SYDE2: variants seen among roughly 807,000 people sequenced by gnomAD.
The protein encoded by SYDE2 is synapse defective Rho GTPase homolog 2.
Under a neutral mutation model 91.5 loss-of-function variants are expected in SYDE2, and 76 were observed. The observed-to-expected ratio is 0.83, with a 90% confidence interval of 0.69 to 1.01. The LOEUF (loss-of-function observed/expected upper bound fraction) is 1.01, where lower values mean the gene tolerates loss of function less well. Among genes scored for constraint, SYDE2 ranks in the 50% least tolerant of loss-of-function variants. The pLI, the probability that SYDE2 is intolerant of heterozygous loss-of-function variation, is 0.00. For synonymous variants in SYDE2, 513 were observed against 506.4 expected, an observed-to-expected ratio of 1.01 and a Z score of -0.18; for missense variants, 1,364 against 1,367.7, an observed-to-expected ratio of 1.00 and a Z score of 0.04.
chr1:85,187,479 C>T, intron 2 of SYDE2, among the ~76,000 whole-genome samples: 1 of 151,500 alleles, frequency 6.6e-6, no homozygotes, highest in Non-Finnish European at 1.5e-5. Flanking sequence ...GGATCTAGAA[C>T]TAGAAATACC....
At position 85,158,615 on chromosome 1, in the gene SYDE2, A is replaced by T. The variant is rs910013962; in HGVS notation, c.*135T>A. On this transcript the variant is annotated 3_prime_UTR_variant, in exon 7 of 7. Coordinates refer to ENST00000341460, the MANE Select transcript of SYDE2 (RefSeq NM_032184.2). ...TATTAATGAATAGTGTTTTTAATTG[A>T]ATCAGATAAACTTATTAAAAATTAA... 1 of 545,756 alleles carries T rather than the reference A, an allele frequency of 1.8e-6. No homozygotes were observed. The highest frequency in any genetic ancestry group is 3.2e-6 in the Non-Finnish European group (1 of 310,028). The allele number at this position is 545,756 out of a possible 1,614,324, so 33.8% of individuals were successfully genotyped here.
chr1:85,198,903 A>C (rs1012791113), intron 1 of SYDE2, among the ~76,000 whole-genome samples: 7 of 152,228 alleles, frequency 4.6e-5, no homozygotes. Context: ...AGTATAAAGT[A>C]CACCTCTCAA....
chr1:85,182,372 C>A lies in SYDE2; in HGVS notation c.2270G>T (p.Arg757Leu). 1 of 1,613,806 alleles carries A rather than the reference C, an allele frequency of 6.2e-7. No homozygotes were observed. Among genetic ancestry groups the A allele is most frequent in the Non-Finnish European group, 8.5e-7 (1 of 1,179,834 alleles). ...AACAACAGTTCCATGACAACAAACT[C>A]GATTTTTTCTTGGAGTGGGTTCCCA... ...FSWEPTPRKN[R>L]VCCHGTVVLP... is the part of the protein sequence containing the mutation. The change falls in exon 3 of 7, where the codon CGA (arginine) becomes CTA (leucine). Residue 757 changes from arginine (R) to leucine (L), a missense_variant. Coordinates refer to ENST00000341460, the MANE Select transcript of SYDE2 (RefSeq NM_032184.2).
At chr1:85,184,342 A>G (rs930468963) in intron 2 of SYDE2, among the ~76,000 whole-genome samples, 2 of 152,202 alleles carry the variant, frequency 1.3e-5, no homozygotes, top group African/African-American at 4.8e-5. Context: ...ACACCAAGTA[A>G]TGATACTGGT....
At chr1:85,199,051 CATTTG>C (rs1427702108) in intron 1 of SYDE2, among the ~76,000 whole-genome samples, 1 of 152,120 alleles carries the variant, frequency 6.6e-6, no homozygotes, top group Non-Finnish European at 1.5e-5. Flanking sequence ...TTGAATGAAT[CATTTG>C]ATTTGTCTTC....
intron 6 of SYDE2, chr1:85,160,432 A>G (rs1246819028): frequency 2.2e-6 from 2 of 898,058 alleles, no homozygotes; most frequent in East Asian, 2.4e-4. Context: ...CATTTTAAAG[A>G]TGGTTATTAT....
In SYDE2 at chr1:85,164,527, T is replaced by C. The variant is rs533603752; in HGVS notation, c.3084A>G (p.Pro1028=). Residue 1028 remains proline (P), a splice_region_variant and synonymous_variant, in exon 6 of 7, where the codon CCA becomes CCG. Coordinates refer to ENST00000341460, the MANE Select transcript of SYDE2 (RefSeq NM_032184.2). ...EVLHYLLQLW[P]VQRLTVKKST... ...AAACATTTCCATAGAATCATTTACC[T>C]GGCCAGAGTTGGAGTAAGTAATGAA... The C allele has an allele frequency of 1.3e-6, 2 of 1,573,972 alleles. No homozygotes were observed. Among genetic ancestry groups the C allele is most frequent in the Admixed American group, 3.8e-5 (2 of 52,720 alleles).
At chr1:85,175,361 G>A (rs762556037) in intron 4 of SYDE2, among the ~76,000 whole-genome samples, 4 of 152,160 alleles carry the variant, frequency 2.6e-5, no homozygotes, top group African/African-American at 4.8e-5. Context: ...CTAGCTGGGC[G>A]TAGTGGCGTG....
At chr1:85,177,405 C>T (rs1027692970) in intron 4 of SYDE2, among the ~76,000 whole-genome samples, 1 of 152,124 alleles carries the variant, frequency 6.6e-6, no homozygotes, top group South Asian at 2.1e-4. Flanking sequence ...CCTACTAGCA[C>T]TTCAAATTCT....
At chr1:85,160,652 G>C in intron 6 of SYDE2, 6 of 985,244 alleles carry the variant, frequency 6.1e-6, no homozygotes, top group Non-Finnish European at 7.2e-6. Flanking sequence ...CTATCTCCTT[G>C]CTTTTCCCCC....
chr1:85,190,078 T>C lies in SYDE2; in HGVS notation c.1420A>G (p.Met474Val). ...TTACCTGCAAAAGGAGATTTCAACA[T>C]GGGACTGTCCTCCACCATTATACCT... is the stretch of plus-strand genomic sequence containing the variant. The part of the protein sequence containing the change: ...QEGIMVEDSP[M>V]LKSPFAGSGI... The change falls in exon 2 of 7, where the codon ATG (methionine) becomes GTG (valine). Residue 474 changes from methionine to valine, a missense_variant. Transcript: ENST00000341460. 1 of 1,604,414 alleles carries C rather than the reference T, an allele frequency of 6.2e-7. No homozygotes were observed. Among genetic ancestry groups the C allele is most frequent in the Non-Finnish European group, 8.5e-7 (1 of 1,173,778 alleles).
At chr1:85,155,540 T>G (rs534902327), downstream of SYDE2, among the ~76,000 whole-genome samples, 1 of 152,138 alleles carries the variant, frequency 6.6e-6, no homozygotes, top group African/African-American at 2.4e-5. Flanking sequence ...CATTAAAGTA[T>G]GCAAAAGCCA....
chr1:85,191,944 C>A lies in SYDE2; in HGVS notation c.746-1192G>T, dbSNP rs536637509. ...GACAGTCCATAAGCTAAGTATATAA[C>A]TATCATTATAATAAAAATTCACCGT... On this transcript the variant is annotated intron_variant, in intron 1 of 6. Transcript: ENST00000341460. Among the ~76,000 whole-genome samples, 4 of 152,074 alleles carry A rather than the reference C, an allele frequency of 2.6e-5. No individual in the cohort carries two copies. In the South Asian group the frequency reaches 8.3e-4, roughly 32 times the overall value.
chr1:85,164,332 A>G (rs817419), intron 6 of SYDE2, among the ~76,000 whole-genome samples, 194 bp downstream of exon 6: 37,656 of 152,166 alleles, frequency 0.25, 6,127 homozygotes, highest in African/African-American at 0.46. Context: ...ATTAATCTAC[A>G]TGCCTACAAT....
intron 4 of SYDE2, among the ~76,000 whole-genome samples, chr1:85,176,614 G>C (rs1657708699): frequency 6.6e-6 from 1 of 152,100 alleles, no homozygotes; most frequent in South Asian, 2.1e-4. Context: ...CAAGTTATAA[G>C]AGAAAAATTA....
chr1:85,169,315 G>T, intron 4 of SYDE2, 90 bp from the exon 5 acceptor site: 1 of 932,468 alleles, frequency 1.1e-6, no homozygotes, highest in Non-Finnish European at 1.6e-6. Flanking sequence ...AAGTATTATA[G>T]CCAACTTTCA....
chr1:85,191,541 C>G (rs945438922), intron 1 of SYDE2, among the ~76,000 whole-genome samples: 2 of 152,012 alleles, frequency 1.3e-5, no homozygotes, highest in Admixed American at 6.6e-5. Context: ...AGGAGGATCA[C>G]GAGGTCAGGA....
chr1:85,157,089 T>C lies in SYDE2; in HGVS notation c.*1661A>G, dbSNP rs1467950980. 1 of 152,040 alleles carries C rather than the reference T, an allele frequency of 6.6e-6. No homozygotes were observed. The highest frequency in any genetic ancestry group is 1.5e-5 in the Non-Finnish European group (1 of 67,932). 9.4% of individuals were successfully genotyped at this position (152,040 alleles called of 1,614,324 possible). ...AAATTTCATATAAAAATATTTATCT[T>C]TTTTAACAATGGGTTTTCAAATTAA... On this transcript the variant is annotated 3_prime_UTR_variant, in exon 7 of 7. Coordinates refer to ENST00000341460, the MANE Select transcript of SYDE2 (RefSeq NM_032184.2).
intron 4 of SYDE2, among the ~76,000 whole-genome samples, chr1:85,174,978 T>C (rs817437): frequency 0.22 from 34,213 of 152,062 alleles, 4,764 homozygotes; most frequent in African/African-American, 0.38. Context: ...TTTCCGTGAA[T>C]GGCAAATAGG....
Sources: gnomAD v4.1 joint callset for allele counts (sites outside exome capture counted in the v4.1 genomes callset) on GRCh38, gnomAD v4.1.1 for gene constraint, MANE v1.5 for transcripts, NCBI Gene and HGNC (gene_info 2026-07-23, HGNC 2026-07-21) for gene names.